Variants in VWA8 observed in about 807,000 individuals in gnomAD.
VWA8 encodes von Willebrand factor A domain-containing protein 8.
In VWA8, 221 loss-of-function variants were observed where a neutral mutation model predicts 241.5. The ratio of observed to expected loss-of-function variants is 0.91; its 90% CI spans 0.82 to 1.02. The LOEUF is 1.02. Ranked by LOEUF, VWA8 falls within the 50% of genes least tolerant of loss-of-function variation. VWA8 has a pLI of 0.00. For missense variants in VWA8, 2,322 were observed against 2,328.7 expected (o/e 1.00, Z 0.06); for synonymous variants, 852 against 827.1 (o/e 1.03, Z -0.52).
intron 21 of VWA8, among the ~76,000 whole-genome samples, chr13:41,744,405 T>C (rs984751194): frequency 1.3e-5 from 2 of 152,230 alleles, no homozygotes; most frequent in African/African-American, 4.8e-5. Flanking sequence ...CATAAAACAT[T>C]ATAGATACAC....
chr13:41,899,339 T>C (rs896705594), intron 4 of VWA8, among the ~76,000 whole-genome samples: 2 of 152,206 alleles, frequency 1.3e-5, no homozygotes, highest in Non-Finnish European at 2.9e-5. Flanking sequence ...TATAAGGGGA[T>C]TGCAAATGTG....
At chr13:41,811,523 G>A (rs886505946) in intron 16 of VWA8, among the ~76,000 whole-genome samples, 183 bp from the exon 17 acceptor site, 4 of 152,080 alleles carry the variant, frequency 2.6e-5, no homozygotes, top group East Asian at 1.9e-4. Flanking sequence ...CATCCTTGAA[G>A]ATAGTTTTTA....
intron 2 of VWA8, among the ~76,000 whole-genome samples, chr13:41,914,983 A>AT (rs1876183749): frequency 6.6e-6 from 1 of 152,184 alleles, no homozygotes; most frequent in South Asian, 2.1e-4. Context: ...CATTTTCAAG[A>AT]TTTTTTAAAA....
In VWA8 at chr13:41,587,690, A is replaced by G; in HGVS notation, c.5113-20T>C. The G allele has an allele frequency of 1.2e-6, 2 of 1,612,122 alleles. No individual in the cohort carries two copies. The highest frequency in any genetic ancestry group is 1.7e-6 in the Non-Finnish European group (2 of 1,178,526). ...GCCAAGCTGAGGGAAGGAATAACAG[A>G]AAAGCCGTTTGTGAACTGGCAAACT... is the stretch of plus-strand genomic sequence containing the variant. On this transcript the variant is annotated intron_variant, in intron 41 of 44. Coordinates refer to ENST00000379310, the MANE Select transcript of VWA8 (RefSeq NM_015058.2).
rs972867062 is a variant in VWA8, at chr13:41,568,050, C to T, written c.*147G>A. The T allele has an allele frequency of 5.4e-5, 35 of 643,574 alleles. No homozygotes were observed. The highest frequency in any genetic ancestry group is 8.3e-5 in the South Asian group (4 of 48,438). The allele number at this position is 643,574 out of a possible 1,614,324, so 39.9% of individuals were successfully genotyped here. On this transcript the variant is annotated 3_prime_UTR_variant, in exon 45 of 45. Coordinates refer to ENST00000379310, the MANE Select transcript of VWA8 (RefSeq NM_015058.2). ...TGGCTGCTTCTCTGAATTCTCATTA[C>T]GGAGCAAGTGTAGGAAGACCCAGGA...
At chr13:41,745,144 T>C (rs2045595372) in intron 21 of VWA8, among the ~76,000 whole-genome samples, 1 of 152,202 alleles carries the variant, frequency 6.6e-6, no homozygotes, top group South Asian at 2.1e-4. Context: ...TGGCCTATTT[T>C]TTTTTTTAAT....
rs116063442 is a variant in VWA8, at chr13:41,782,711, T to C, written c.2277+1084A>G. Among the ~76,000 whole-genome samples, 1,118 of 152,128 alleles carry C rather than the reference T, an allele frequency of 7.3e-3. 22 individuals are homozygous for C. The highest frequency in any genetic ancestry group is 0.024 in the African/African-American group (996 of 41,570). The stretch of plus-strand genomic sequence containing the variant: ...ATTAAGAATAATATGTCTAGATACC[T>C]ATAAAGTTAATATAACTTAAAATAT... On this transcript the variant is annotated intron_variant, in intron 19 of 44. Coordinates refer to ENST00000379310, the MANE Select transcript of VWA8 (RefSeq NM_015058.2).
intron 2 of VWA8, among the ~76,000 whole-genome samples, chr13:41,922,087 T>C (rs1593871714): frequency 1.3e-5 from 2 of 152,098 alleles, no homozygotes; most frequent in South Asian, 2.1e-4. Flanking sequence ...AAAACAGAGA[T>C]ATAGATCAAT....
intron 17 of VWA8, among the ~76,000 whole-genome samples, chr13:41,806,795 T>C (rs1009191237): frequency 7.2e-5 from 11 of 152,040 alleles, no homozygotes; most frequent in Non-Finnish European, 1.0e-4. Context: ...GGAGAATTGC[T>C]TGATCCCTGG....
rs767523920 is a variant in VWA8 at position 41,819,252 on chromosome 13, A to G, written c.1835T>C (p.Val612Ala). The G allele has an allele frequency of 1.2e-6, 2 of 1,610,214 alleles. No homozygotes were observed. Among genetic ancestry groups the G allele is most frequent in the South Asian group, 2.2e-5 (2 of 89,528 alleles). The change falls in exon 15 of 45, where the codon GTG (valine) becomes GCG (alanine). Residue 612 changes from valine (V) to alanine (A), a missense_variant. Physicochemically the swap from Val to Ala is moderately conservative, Grantham distance 64 (BLOSUM62 0). Transcript: ENST00000379310. ...MFFFHYMKPL[V>A]KSEEIQVIKE... ...AATCACTTGGATTTCTTCACTTTTC[A>G]CAAGTGGTTTCATGTAATGGAAAAA...
At chr13:41,717,121 T>C (rs1566426366) in intron 26 of VWA8, among the ~76,000 whole-genome samples, 1 of 151,980 alleles carries the variant, frequency 6.6e-6, no homozygotes, top group Non-Finnish European at 1.5e-5. Flanking sequence ...TGATCCACAA[T>C]GAAGATAATT....
Position 41,848,599 on chromosome 13 carries a change from C to A in VWA8, c.1426-15068G>T, listed in dbSNP as rs80232723. 8.9e-4 allele frequency among the ~76,000 whole-genome samples: 135 copies of A among 152,284 alleles called. 1 individual carries two copies. The East Asian group carries it at 0.025, about 29-fold the overall frequency. On this transcript the variant is annotated intron_variant, in intron 12 of 44. Coordinates refer to ENST00000379310, the MANE Select transcript of VWA8 (RefSeq NM_015058.2). ...CCTGCTTGCACTCAACTCCCTCCTG[C>A]CACCTAGTGAAGGTGCCTGCTTCTC...
intron 39 of VWA8, among the ~76,000 whole-genome samples, chr13:41,611,230 A>G (rs1250163674): frequency 1.3e-5 from 2 of 152,138 alleles, no homozygotes; most frequent in Admixed American, 1.3e-4. Context: ...GCATGTGTGT[A>G]TGTATGTTCC....
chr13:41,613,869 AAG>A (rs1037698973), intron 38 of VWA8, among the ~76,000 whole-genome samples: 2 of 152,168 alleles, frequency 1.3e-5, no homozygotes, highest in Non-Finnish European at 2.9e-5. Context: ...CAGAGAGAAA[AAG>A]AGAAATTGAA....
At chr13:41,758,469 A>G (rs973923497) in intron 21 of VWA8, among the ~76,000 whole-genome samples, 1 of 140,872 alleles carries the variant, frequency 7.1e-6, no homozygotes, top group Admixed American at 7.2e-5. Flanking sequence ...AATATATGGA[A>G]TATATATATG....
intron 17 of VWA8, among the ~76,000 whole-genome samples, chr13:41,790,819 T>C (rs1040705058): frequency 1.3e-5 from 2 of 151,978 alleles, no homozygotes; most frequent in African/African-American, 2.4e-5. Context: ...AAGCTCTGAA[T>C]TGATGTTCAC....
Position 41,960,966 on chromosome 13 carries a change from G to T in VWA8, c.50C>A (p.Pro17Gln). 6.9e-7 allele frequency: 1 copy of T among 1,442,198 alleles called. No individual in the cohort carries two copies. The highest frequency in any genetic ancestry group is 1.4e-5 in the South Asian group (1 of 70,460). The allele number at this position is 1,442,198 out of a possible 1,614,324, so 89.3% of individuals were successfully genotyped here. A position where few individuals can be genotyped will look rare whatever the true frequency, so the allele number is the denominator to read the frequency against. The change falls in exon 1 of 45, where the codon CCG becomes CAG. Residue 17 changes from proline (P) to glutamine (Q), a missense_variant. Physicochemically the swap from Pro to Gln is moderately conservative, Grantham distance 76. Coordinates refer to ENST00000379310, the MANE Select transcript of VWA8 (RefSeq NM_015058.2). ...GAGCAGCCGCATGCGCCGCGAGGCC[G>T]GGCCGCCGTGGCCTCCGGGTGCCCC... is the stretch of plus-strand genomic sequence containing the variant. ...LLGAPGGHGG[P>Q]ASRRMRLLLR... is the part of the protein sequence containing the mutation.
intron 21 of VWA8, among the ~76,000 whole-genome samples, chr13:41,734,693 C>T (rs1173874833): frequency 1.3e-5 from 2 of 152,204 alleles, no homozygotes; most frequent in Admixed American, 6.5e-5. Flanking sequence ...TGATTCCTAA[C>T]CAACTCCCAT....
intron 12 of VWA8, among the ~76,000 whole-genome samples, chr13:41,857,547 G>A (rs1490829541): frequency 6.6e-6 from 1 of 152,040 alleles, no homozygotes; most frequent in African/African-American, 2.4e-5. Context: ...TCTATACAAT[G>A]TATAATATTT....
Sources: allele counts gnomAD v4.1 joint callset (sites outside exome capture counted in the v4.1 genomes callset), GRCh38; gene constraint gnomAD v4.1.1; transcripts MANE v1.5; gene names NCBI Gene and HGNC (gene_info 2026-07-23, HGNC 2026-07-21).